Variants in TNFSF8 observed in about 807,000 individuals in gnomAD.
The protein encoded by TNFSF8 is tumor necrosis factor ligand superfamily member 8.
A neutral mutation model predicts 22.0 loss-of-function variants in TNFSF8; 4 were observed. The ratio of observed to expected loss-of-function variants is 0.18; its 90% CI spans 0.09 to 0.42. TNFSF8 has a LOEUF of 0.42. Among genes scored for constraint, TNFSF8 ranks in the 10% least tolerant of loss-of-function variants. TNFSF8 has a pLI of 1.00. For synonymous variants in TNFSF8, 106 were observed against 112.5 expected (o/e 0.94, Z 0.37); for missense variants, 233 against 281.8 (o/e 0.83, Z 1.24).
At chr9:114,913,903 C>T (rs967580788) in intron 2 of TNFSF8, among the ~76,000 whole-genome samples, 8 of 152,162 alleles carry the variant, frequency 5.3e-5, no homozygotes, top group South Asian at 2.1e-4. Flanking sequence ...TGGCCTCATA[C>T]GGATGCAATG....
At chr9:114,906,764 T>C (rs1827790386) in intron 2 of TNFSF8, among the ~76,000 whole-genome samples, 1 of 152,348 alleles carries the variant, frequency 6.6e-6, no homozygotes, top group East Asian at 1.9e-4. Flanking sequence ...GGCTTAGCTT[T>C]TTTTTATTAC....
Position 114,902,663 on chromosome 9 carries a change from C to A in TNFSF8, c.*1268G>T, listed in dbSNP as rs1827731931. 1 of 985,172 alleles carries A rather than the reference C, an allele frequency of 1.0e-6. No individual in the cohort carries two copies. Among genetic ancestry groups the A allele is most frequent in the South Asian group, 4.7e-5 (1 of 21,288 alleles). 61.0% of individuals were successfully genotyped at this position (985,172 alleles called of 1,614,324 possible). On this transcript the variant is annotated 3_prime_UTR_variant, in exon 4 of 4. Coordinates refer to ENST00000223795, the MANE Select transcript of TNFSF8 (RefSeq NM_001244.4). ...AGATGCAGTCAGGTGTTACTAGTGT[C>A]TTCAATTATATACTGGGGTAGGGGG...
At chr9:114,905,051 T>C (rs1438510863) in intron 3 of TNFSF8, among the ~76,000 whole-genome samples, 2 of 152,198 alleles carry the variant, frequency 1.3e-5, no homozygotes, top group African/African-American at 4.8e-5. Flanking sequence ...AAGTTTGTGT[T>C]GGAAGGTGAG....
At chr9:114,916,367 G>A (rs988127485) in intron 2 of TNFSF8, among the ~76,000 whole-genome samples, 1 of 152,120 alleles carries the variant, frequency 6.6e-6, no homozygotes, top group South Asian at 2.1e-4. Flanking sequence ...TATGCTTGGC[G>A]ACTTTGCATT....
chr9:114,893,992 G>T, exon 5 of TNFSF8: 2 of 1,111,548 alleles, frequency 1.8e-6, no homozygotes, highest in Non-Finnish European at 1.3e-6. Context: ...AGAGTGACTG[G>T]TACCATCAAG....
rs1369429234 is a variant in TNFSF8 at position 114,902,562 on chromosome 9, C to T, written c.*1369G>A. 5.1e-6 allele frequency: 5 copies of T among 985,422 alleles called. No individual in the cohort carries two copies. The highest frequency in any genetic ancestry group is 6.0e-6 in the Non-Finnish European group (5 of 829,934). The allele number at this position is 985,422 out of a possible 1,614,324, so 61.0% of individuals were successfully genotyped here. A position where few individuals can be genotyped will look rare whatever the true frequency, so the allele number is the denominator to read the frequency against. On this transcript the variant is annotated 3_prime_UTR_variant, in exon 4 of 4. Transcript: ENST00000223795. ...AGTGTGGTAGTTCTTTCCATTACATCCTTGAGATCCTGCTGTTCACACCAT... is the reference window on the plus strand; with the variant it reads ...AGTGTGGTAGTTCTTTCCATTACATTCTTGAGATCCTGCTGTTCACACCAT...
intron 2 of TNFSF8, among the ~76,000 whole-genome samples, chr9:114,917,527 GTTAA>G (rs1403611361): frequency 6.6e-6 from 1 of 152,200 alleles, no homozygotes; most frequent in Non-Finnish European, 1.5e-5. Flanking sequence ...GAGACGACGT[GTTAA>G]TTAGTGACTT....
rs536726496 is a variant in TNFSF8 at position 114,927,594 on chromosome 9, C to A, written c.195+2515G>T. Among the ~76,000 whole-genome samples the A allele has an allele frequency of 4.0e-4, 61 of 152,300 alleles. 1 individual carries two copies. Among genetic ancestry groups the A allele is most frequent in the Middle Eastern group, 6.8e-3 (2 of 294 alleles). On this transcript the variant is annotated intron_variant, in intron 1 of 3. Transcript: ENST00000223795. ...TTAAACCTGTCTGGAAAAATATATTCTCTCCTTAACTTGTGGTGTCATGGT... is the reference window on the plus strand; with the variant it reads ...TTAAACCTGTCTGGAAAAATATATTATCTCCTTAACTTGTGGTGTCATGGT...
At chr9:114,906,204 A>G (rs1171931464) in intron 2 of TNFSF8, among the ~76,000 whole-genome samples, 1 of 152,142 alleles carries the variant, frequency 6.6e-6, no homozygotes, top group Non-Finnish European at 1.5e-5. Context: ...CACTATACGT[A>G]TTTCATCTCC....
chr9:114,909,390 G>T (rs1361232088), intron 2 of TNFSF8, among the ~76,000 whole-genome samples: 2 of 152,196 alleles, frequency 1.3e-5, no homozygotes, highest in Non-Finnish European at 2.9e-5. Flanking sequence ...GCATCAGAGT[G>T]GGGGAAGTGA....
In TNFSF8 at chr9:114,902,167, T is replaced by A. The variant is rs1267925180; in HGVS notation, c.*1764A>T. 1 of 985,262 alleles carries A rather than the reference T, an allele frequency of 1.0e-6. No homozygotes were observed. The highest frequency in any genetic ancestry group is 4.7e-5 in the South Asian group (1 of 21,286). The allele number at this position is 985,262 out of a possible 1,614,324, so 61.0% of individuals were successfully genotyped here. On this transcript the variant is annotated 3_prime_UTR_variant, in exon 4 of 4. Coordinates refer to ENST00000223795, the MANE Select transcript of TNFSF8 (RefSeq NM_001244.4). ...GATGATGTACAGATGCCAAGTTGGA[T>A]ATAGCTAGAGAAATCTCATGGCTAC...
At chr9:114,896,005 T>C (rs531908173) in intron 4 of TNFSF8, among the ~76,000 whole-genome samples, 7 of 152,350 alleles carry the variant, frequency 4.6e-5, no homozygotes, top group Admixed American at 2.0e-4. Flanking sequence ...TACCATCACG[T>C]TGACTTGATG....
rs899812059 is a variant in TNFSF8 at position 114,930,456 on chromosome 9, C to T, written c.-153G>A. 6 of 547,550 alleles carry T rather than the reference C, an allele frequency of 1.1e-5. No individual in the cohort carries two copies. Among genetic ancestry groups the T allele is most frequent in the Admixed American group, 4.3e-5 (1 of 23,054 alleles). The allele number at this position is 547,550 out of a possible 1,614,324, so 33.9% of individuals were successfully genotyped here. A position where few individuals can be genotyped will look rare whatever the true frequency, so the allele number is the denominator to read the frequency against. ...CCTGCTGCCTGGTGGAGAAACTCTT[C>T]TCTGGGGGCGTGAGGCGAGAGGCGG... On this transcript the variant is annotated 5_prime_UTR_variant, in exon 1 of 4. Transcript: ENST00000223795.
At chr9:114,904,885 A>G (rs1299994841) in intron 3 of TNFSF8, among the ~76,000 whole-genome samples, 11 of 152,218 alleles carry the variant, frequency 7.2e-5, no homozygotes, top group Admixed American at 6.5e-4. Flanking sequence ...ATTAAGATGT[A>G]TCCTCTAACG....
chr9:114,915,372 G>C (rs770923568), intron 2 of TNFSF8, among the ~76,000 whole-genome samples: 1 of 152,164 alleles, frequency 6.6e-6, no homozygotes, highest in Non-Finnish European at 1.5e-5. Flanking sequence ...TACAGATGAG[G>C]CTCAGAGAGG....
chr9:114,924,737 C>T (rs944797367), intron 1 of TNFSF8, among the ~76,000 whole-genome samples: 1 of 152,078 alleles, frequency 6.6e-6, no homozygotes, highest in African/African-American at 2.4e-5. Context: ...CTCCTTCATC[C>T]CAAGCAGAAA....
chr9:114,898,998 T>A (rs1416695867), downstream of TNFSF8, among the ~76,000 whole-genome samples: 2 of 152,090 alleles, frequency 1.3e-5, no homozygotes. Flanking sequence ...CCAGTGCACA[T>A]CTGCAACAGA....
intron 2 of TNFSF8, among the ~76,000 whole-genome samples, chr9:114,912,842 A>G (rs1335442219): frequency 1.3e-5 from 2 of 152,160 alleles, no homozygotes; most frequent in Admixed American, 1.3e-4. Context: ...TAGAGAGCCA[A>G]CCTCACTTCG....
rs910186301 is a variant in TNFSF8, at chr9:114,903,042, A to G, written c.*889T>C. The G allele has an allele frequency of 2.0e-5, 3 of 152,252 alleles. No individual in the cohort carries two copies. The highest frequency in any genetic ancestry group is 7.2e-5 in the African/African-American group (3 of 41,424). The allele number at this position is 152,252 out of a possible 1,614,324, so 9.4% of individuals were successfully genotyped here. On this transcript the variant is annotated 3_prime_UTR_variant, in exon 4 of 4. Transcript: ENST00000223795. ...CTTCTCTGTTGCTTCCTTCAGACAG[A>G]CCATTCAGGCATTTGCCAGTGAATT...
Sources: gnomAD v4.1 joint callset for allele counts (sites outside exome capture counted in the v4.1 genomes callset) on GRCh38, gnomAD v4.1.1 for gene constraint, MANE v1.5 for transcripts, NCBI Gene and HGNC (gene_info 2026-07-23, HGNC 2026-07-21) for gene names.